The following CPQ variants were observed in gnomAD, a reference collection of about 807,000 sequenced individuals.
The protein encoded by CPQ is carboxypeptidase Q, also known as Ser-Met dipeptidase.
CPQ carries 37 observed loss-of-function variants against 45.7 expected under a neutral mutation model. The ratio of observed to expected loss-of-function variants is 0.81; its 90% CI spans 0.62 to 1.07. The LOEUF is 1.07. Ranked by LOEUF, CPQ falls within the 50% of genes least tolerant of loss-of-function variation. CPQ has a pLI of 0.00. For synonymous variants in CPQ, 186 were observed against 205.8 expected (o/e 0.90, Z 0.82); for missense variants, 537 against 572.9 (o/e 0.94, Z 0.64).
chr8:97,131,629 T>C (rs1483518562), intron 7 of CPQ, among the ~76,000 whole-genome samples: 1 of 152,196 alleles, frequency 6.6e-6, no homozygotes, highest in East Asian at 1.9e-4. Flanking sequence ...CAGAGGCATT[T>C]TGTGGAGGGC....
intron 3 of CPQ, among the ~76,000 whole-genome samples, chr8:96,845,551 C>T (rs1811674149): frequency 1.3e-5 from 2 of 152,162 alleles, no homozygotes; most frequent in Non-Finnish European, 2.9e-5. Context: ...GAGACAGGGT[C>T]TTGCTCTGTT....
chr8:96,702,358 A>C (rs1225734999), intron 1 of CPQ, among the ~76,000 whole-genome samples: 1 of 152,166 alleles, frequency 6.6e-6, no homozygotes, highest in African/African-American at 2.4e-5. Context: ...GACAACAAGG[A>C]AGCAAGGAAG....
At chr8:97,105,097 T>A (rs2130585424) in intron 7 of CPQ, among the ~76,000 whole-genome samples, 1 of 152,350 alleles carries the variant, frequency 6.6e-6, no homozygotes, top group African/African-American at 2.4e-5. Context: ...CACCCCGGCA[T>A]TGTGCCTTCT....
chr8:96,873,678 C>T (rs527265058), intron 3 of CPQ, among the ~76,000 whole-genome samples: 61 of 151,842 alleles, frequency 4.0e-4, no homozygotes, highest in African/African-American at 1.2e-3. Flanking sequence ...CTTTACAATT[C>T]CCACTTCCAG....
chr8:96,687,483 A>G (rs549650560), intron 1 of CPQ, among the ~76,000 whole-genome samples: 19 of 152,272 alleles, frequency 1.2e-4, no homozygotes, highest in Middle Eastern at 3.4e-3. Context: ...TGCTGGGATT[A>G]CAGGTGTGAG....
chr8:96,871,541 T>TG (rs1424523486), intron 3 of CPQ, among the ~76,000 whole-genome samples: 1 of 150,556 alleles, frequency 6.6e-6, no homozygotes, highest in African/African-American at 2.4e-5. Context: ...GTTTTTTTTT[T>TG]TTTTTTTTTT....
intron 1 of CPQ, among the ~76,000 whole-genome samples, chr8:96,774,543 A>AG (rs1267180889): frequency 6.6e-6 from 1 of 152,138 alleles, no homozygotes; most frequent in Non-Finnish European, 1.5e-5. Context: ...AAGAGTGAAG[A>AG]GGAGGGAAGT....
rs547871785 is a variant in CPQ at position 96,741,895 on chromosome 8, C to G, written c.-34-42969C>G. ...TTGCTGAGGAGAGCTTTACTTCCAA[C>G]TATGTGGTCAATTTTGGAATAGGTG... On this transcript the variant is annotated intron_variant, in intron 1 of 7. Transcript: ENST00000220763. Among the ~76,000 whole-genome samples the G allele has an allele frequency of 9.8e-4, 142 of 144,870 alleles. 1 individual carries two copies. Among genetic ancestry groups the G allele is most frequent in the Admixed American group, 7.6e-3 (107 of 14,156 alleles).
At chr8:97,119,339 A>G (rs1811656192) in intron 7 of CPQ, among the ~76,000 whole-genome samples, 1 of 151,428 alleles carries the variant, frequency 6.6e-6, no homozygotes, top group East Asian at 1.9e-4. Flanking sequence ...AAAAAAAAAA[A>G]AAAAAAAAAA....
At chr8:97,112,354 G>C (rs998355576) in intron 7 of CPQ, among the ~76,000 whole-genome samples, 5 of 152,058 alleles carry the variant, frequency 3.3e-5, no homozygotes, top group Non-Finnish European at 7.4e-5. Context: ...GGGGCAAAGA[G>C]GCCAAGCTCA....
At chr8:97,094,096 T>C (rs777354711) in intron 7 of CPQ, among the ~76,000 whole-genome samples, 10 of 152,126 alleles carry the variant, frequency 6.6e-5, no homozygotes, top group South Asian at 2.1e-4. Context: ...CTTTGCAGAA[T>C]GAGTGTTCTG....
At chr8:96,823,798 C>A (rs901129546) in intron 2 of CPQ, among the ~76,000 whole-genome samples, 4 of 151,930 alleles carry the variant, frequency 2.6e-5, no homozygotes, top group Non-Finnish European at 5.9e-5. Flanking sequence ...TAGAGCAGTG[C>A]CTGGCATATT....
rs529703045 is a variant in CPQ, at chr8:96,971,662, GC to G, written c.961+5617del. Among the ~76,000 whole-genome samples, 234 of 152,278 alleles carry G rather than the reference GC, an allele frequency of 1.5e-3. 3 individuals carry two copies. The highest frequency in any genetic ancestry group is 5.3e-3 in the African/African-American group (222 of 41,552). On this transcript the variant is annotated intron_variant, in intron 5 of 7. Transcript: ENST00000220763. ...AGTGAATAATACATCTGCTTGTGAA[GC>G]TGTCCAGTCTGAAGCTGTGTTTTAA... is the stretch of plus-strand genomic sequence containing the variant.
At chr8:96,854,555 A>AC (rs1586427390) in intron 3 of CPQ, among the ~76,000 whole-genome samples, 2 of 56,482 alleles carry the variant, frequency 3.5e-5, no homozygotes, top group African/African-American at 1.1e-4. Context: ...AAAAAAAAAA[A>AC]AAAATGTGGT....
intron 4 of CPQ, among the ~76,000 whole-genome samples, chr8:96,908,747 GCACACACACACACACACACA>G (rs34425501): frequency 2.8e-5 from 4 of 140,918 alleles, no homozygotes; most frequent in Admixed American, 1.4e-4. Context: ...ATACACATGC[GCACACACACACACACACACA>G]CACACACACA....
intron 1 of CPQ, among the ~76,000 whole-genome samples, chr8:96,654,011 G>A (rs545562732): frequency 6.6e-6 from 1 of 152,280 alleles, no homozygotes; most frequent in Admixed American, 6.5e-5. Flanking sequence ...ATTAGCTTCA[G>A]TGCCCATATC....
At chr8:96,920,317 A>G (rs986611431) in intron 4 of CPQ, among the ~76,000 whole-genome samples, 2 of 152,158 alleles carry the variant, frequency 1.3e-5, no homozygotes, top group African/African-American at 4.8e-5. Flanking sequence ...AAGAGTAGCT[A>G]TATGAATCAT....
At chr8:96,922,172 C>T (rs528477130) in intron 4 of CPQ, among the ~76,000 whole-genome samples, 2 of 152,114 alleles carry the variant, frequency 1.3e-5, no homozygotes, top group Admixed American at 1.3e-4. Context: ...AGTTACTGGC[C>T]GTCTAATTAA....
At chr8:96,839,506 A>G (rs1811577548) in intron 3 of CPQ, among the ~76,000 whole-genome samples, 1 of 152,160 alleles carries the variant, frequency 6.6e-6, no homozygotes, top group Non-Finnish European at 1.5e-5. Flanking sequence ...AATATGTTTT[A>G]AGAATAAATG....
Sources: gnomAD v4.1 joint callset for allele counts (sites outside exome capture counted in the v4.1 genomes callset) on GRCh38, gnomAD v4.1.1 for gene constraint, MANE v1.5 for transcripts, NCBI Gene and HGNC (gene_info 2026-07-23, HGNC 2026-07-21) for gene names.